The following STAU1 variants were observed in gnomAD, a reference collection of about 807,000 sequenced individuals.
The protein encoded by STAU1 is staufen double-stranded RNA binding protein 1.
Under a neutral mutation model 62.9 loss-of-function variants are expected in STAU1, and 13 were observed. The ratio of observed to expected loss-of-function variants is 0.21; its 90% CI spans 0.13 to 0.33. STAU1 has a LOEUF of 0.33. Among genes scored for constraint, STAU1 ranks in the 10% least tolerant of loss-of-function variants. STAU1 has a pLI of 1.00. For missense variants in STAU1, 571 were observed against 712.1 expected (o/e 0.80, Z 2.25); for synonymous variants, 269 against 265.1 (o/e 1.01, Z -0.14).
upstream of STAU1, among the ~76,000 whole-genome samples, chr20:49,191,737 A>G (rs935293268): frequency 9.2e-5 from 14 of 152,122 alleles, no homozygotes; most frequent in Non-Finnish European, 7.4e-5. Context: ...AGAATCTAAG[A>G]GCAACAATTA....
intron 5 of STAU1, among the ~76,000 whole-genome samples, chr20:49,149,408 T>C (rs1209512497): frequency 2.0e-5 from 3 of 152,116 alleles, no homozygotes; most frequent in Non-Finnish European, 2.9e-5. Context: ...ACCTATTGCA[T>C]TAGAATCCCG....
chr20:49,122,736 C>T (rs2092493617), intron 8 of STAU1, among the ~76,000 whole-genome samples: 2 of 151,810 alleles, frequency 1.3e-5, no homozygotes, highest in African/African-American at 4.8e-5. Context: ...GCCAACATGG[C>T]GAAACTCCGT....
At chr20:49,156,817 C>A (rs1476497194) in intron 3 of STAU1, among the ~76,000 whole-genome samples, 1 of 151,580 alleles carries the variant, frequency 6.6e-6, no homozygotes, top group Non-Finnish European at 1.5e-5. Context: ...CCTTCTTATC[C>A]TTTTTTGTTG....
the STAU1 span, among the ~76,000 whole-genome samples, chr20:49,195,834 C>T: frequency 1.9e-4 from 24 of 124,066 alleles, no homozygotes; most frequent in African/African-American, 5.8e-4. Flanking sequence ...ACCCAGGAGG[C>T]GGAGGTTGCA....
In STAU1 at chr20:49,117,852, T is replaced by C; in HGVS notation, c.1434A>G (p.Ser478=). The C allele has an allele frequency of 6.2e-7, 1 of 1,614,188 alleles. No individual in the cohort carries two copies. The highest frequency in any genetic ancestry group is 1.1e-5 in the South Asian group (1 of 91,086). Residue 478 remains serine, a synonymous_variant, in exon 11 of 14, where the codon TCA becomes TCG. Transcript: ENST00000371856. The surrounding 1 kb of genome is among the most constrained non-coding windows in gnomAD (Gnocchi z 4.6). ...AETILKNNIS[S]GHVPHGPLTR... ...TGAGAGGTCCATGGGGTACGTGGCC[T>C]GAAGAGATGTTATTCTTTAAAATGG...
intron 5 of STAU1, among the ~76,000 whole-genome samples, chr20:49,137,921 C>A (rs1568858223): frequency 6.7e-6 from 1 of 149,456 alleles, no homozygotes; most frequent in Non-Finnish European, 1.5e-5. Context: ...TTCAGGTGAT[C>A]CGCCCACCTT....
rs1419848748 is a variant in STAU1 at position 49,117,313 on chromosome 20, C to T, written c.1510-65G>A. ...CAAGTATGAGTGGGCTGGAGGGCTG[C>T]AGCTCCAGGCCCCACAAGCAAGATC... On this transcript the variant is annotated intron_variant, in intron 11 of 13. Coordinates refer to ENST00000371856, the MANE Select transcript of STAU1 (RefSeq NM_017453.4). The surrounding 1 kb of genome is among the most constrained non-coding windows in gnomAD (Gnocchi z 4.6). The T allele has an allele frequency of 1.3e-6, 2 of 1,573,840 alleles. No individual in the cohort carries two copies. The highest frequency in any genetic ancestry group is 1.7e-6 in the Non-Finnish European group (2 of 1,152,474).
At chr20:49,120,201 C>T (rs1284533947) in intron 8 of STAU1, 73 bp from the exon 9 acceptor site, 3 of 1,520,674 alleles carry the variant, frequency 2.0e-6, no homozygotes, top group Non-Finnish European at 2.7e-6. Context: ...ATTGGTGTGT[C>T]AGCAAAATAA....
At chr20:49,199,519 G>A in the STAU1 span, among the ~76,000 whole-genome samples, 6 of 151,496 alleles carry the variant, frequency 4.0e-5, no homozygotes, top group Admixed American at 1.3e-4. Context: ...CTGAGCCACC[G>A]CGCCCGGCCA....
the STAU1 span, among the ~76,000 whole-genome samples, chr20:49,201,119 T>G: frequency 1.5e-5 from 2 of 134,760 alleles, no homozygotes; most frequent in Non-Finnish European, 3.2e-5. Context: ...ATCAGTGAGA[T>G]CAGTGGTTGT....
At chr20:49,200,097 A>G in the STAU1 span, among the ~76,000 whole-genome samples, 1 of 152,346 alleles carries the variant, frequency 6.6e-6, no homozygotes, top group Middle Eastern at 3.4e-3. Flanking sequence ...AGTTTAAGAT[A>G]TACTTATCAT....
chr20:49,201,071 A>AAAAAG, the STAU1 span, among the ~76,000 whole-genome samples: 1 of 104,646 alleles, frequency 9.6e-6, no homozygotes, highest in African/African-American at 3.0e-5. Flanking sequence ...AAAAAAAAAA[A>AAAAAG]AAGAAGAAGA....
intron 3 of STAU1, among the ~76,000 whole-genome samples, chr20:49,162,202 T>C (rs181705959): frequency 4.6e-5 from 7 of 152,304 alleles, no homozygotes; most frequent in Non-Finnish European, 2.9e-5. Flanking sequence ...CTAACAATTA[T>C]ATAAATAAAA....
At chr20:49,215,162 C>T in the STAU1 span, among the ~76,000 whole-genome samples, 199 of 152,284 alleles carry the variant, frequency 1.3e-3, no homozygotes, top group Middle Eastern at 6.8e-3. Context: ...CAAGTCTGTT[C>T]CCACTTTGGG....
intron 6 of STAU1, among the ~76,000 whole-genome samples, chr20:49,130,629 C>T (rs2145967552): frequency 6.6e-6 from 1 of 152,226 alleles, no homozygotes; most frequent in East Asian, 1.9e-4. Flanking sequence ...GATATAATTA[C>T]TATAAGAGGG....
At chr20:49,179,579 GTTCT>G (rs1373230917) in intron 1 of STAU1, among the ~76,000 whole-genome samples, 1 of 152,158 alleles carries the variant, frequency 6.6e-6, no homozygotes, top group East Asian at 1.9e-4. Flanking sequence ...CATATAAATT[GTTCT>G]TTCTGACAGA....
chr20:49,171,754 G>T (rs1022470667), intron 2 of STAU1, among the ~76,000 whole-genome samples: 2 of 152,082 alleles, frequency 1.3e-5, no homozygotes, highest in Non-Finnish European at 2.9e-5. Flanking sequence ...AGGCAGGGCA[G>T]ACGCTAGTAC....
the STAU1 span, among the ~76,000 whole-genome samples, chr20:49,219,033 AAAAAGAC>A: frequency 1.3e-5 from 2 of 151,596 alleles, no homozygotes; most frequent in South Asian, 4.2e-4. Context: ...AAAAAAAAAA[AAAAAGAC>A]AAAAAATTAC....
At chr20:49,147,365 T>A (rs557931659) in intron 5 of STAU1, among the ~76,000 whole-genome samples, 1 of 152,230 alleles carries the variant, frequency 6.6e-6, no homozygotes, top group Non-Finnish European at 1.5e-5. Flanking sequence ...GCCTGCCCTG[T>A]AGACAGCAAG....
Sources: gnomAD v4.1 joint callset for allele counts (sites outside exome capture counted in the v4.1 genomes callset) on GRCh38, gnomAD v4.1.1 for gene constraint, Gnocchi (gnomAD v3.1) non-coding constraint, MANE v1.5 for transcripts, NCBI Gene and HGNC (gene_info 2026-07-23, HGNC 2026-07-21) for gene names.